TNRC6B: variants seen among roughly 807,000 people sequenced by gnomAD.
The protein encoded by TNRC6B is trinucleotide repeat containing adaptor 6B, also known as trinucleotide repeat-containing gene 6B protein.
Under a neutral mutation model 203.6 loss-of-function variants are expected in TNRC6B, and 52 were observed. That is an observed-to-expected ratio of 0.26 (90% CI 0.20 to 0.32). TNRC6B has a LOEUF of 0.32. Among genes scored for constraint, TNRC6B ranks in the 10% least tolerant of loss-of-function variants. The pLI is 1.00. For missense variants in TNRC6B, 1,923 were observed against 2,286.2 expected, an observed-to-expected ratio of 0.84 and a Z score of 3.24; for synonymous variants, 838 against 845.7, an observed-to-expected ratio of 0.99 and a Z score of 0.16.
intron 1 of TNRC6B, among the ~76,000 whole-genome samples, chr22:40,115,360 T>G (rs2068378094): frequency 6.6e-6 from 1 of 152,186 alleles, no homozygotes; most frequent in African/African-American, 2.4e-5. Flanking sequence ...AATTAATGAA[T>G]CCAGTCGTCC....
intron 3 of TNRC6B, among the ~76,000 whole-genome samples, chr22:40,137,102 A>C (rs916781449): frequency 2.6e-5 from 4 of 152,190 alleles, no homozygotes; most frequent in Non-Finnish European, 5.9e-5. Flanking sequence ...GGAACTTGGT[A>C]ATTTGTTTTG....
At chr22:40,096,121 G>A (rs569650500) in intron 1 of TNRC6B, among the ~76,000 whole-genome samples, 1 of 152,274 alleles carries the variant, frequency 6.6e-6, no homozygotes, top group Admixed American at 6.5e-5. Context: ...TGAACACATT[G>A]GTGCTTCTTA....
In TNRC6B at chr22:40,312,523, C is replaced by T. The variant is rs1213114059; in HGVS notation, c.4454C>T (p.Pro1485Leu). Reference protein sequence around the residue: ...SWPPEFQPGVPWKGIQNIDPE... With the variant: ...SWPPEFQPGVLWKGIQNIDPE... The stretch of plus-strand genomic sequence containing the variant: ...GTCTCAGAATTCCAACCAGGAGTGC[C>T]ATGGAAAGGTATCCAAAACATTGAC... Residue 1485 changes from proline (P) to leucine (L), a missense_variant, in exon 18 of 23, where the codon CCA becomes CTA. Coordinates refer to ENST00000454349, the MANE Select transcript of TNRC6B (RefSeq NM_001162501.2). 6.2e-7 allele frequency: 1 copy of T among 1,612,014 alleles called. No individual in the cohort carries two copies. The highest frequency in any genetic ancestry group is 8.5e-7 in the Non-Finnish European group (1 of 1,179,264).
At chr22:40,132,195 A>G (rs575049672) in intron 3 of TNRC6B, among the ~76,000 whole-genome samples, 96 of 152,182 alleles carry the variant, frequency 6.3e-4, no homozygotes, top group Non-Finnish European at 1.1e-3. Context: ...TAAAAATACA[A>G]AAATTAGCTG....
At position 40,075,708 on chromosome 22, in the gene TNRC6B, T is replaced by C. The variant is rs528193446; in HGVS notation, c.-121+30710T>C. ...GTTTTCTGTTTATTCTTTCCTCTTTTCCTGGCTTCTTTTTGATTACTTTTT... is the reference window on the plus strand; with the variant it reads ...GTTTTCTGTTTATTCTTTCCTCTTTCCCTGGCTTCTTTTTGATTACTTTTT... On this transcript the variant is annotated intron_variant, in intron 1 of 23. Transcript: ENST00000301923. Among the ~76,000 whole-genome samples, 6 of 152,336 alleles carry C rather than the reference T, an allele frequency of 3.9e-5. No homozygotes were observed. The South Asian group carries it at 1.2e-3, about 32-fold the overall frequency.
intron 17 of TNRC6B, among the ~76,000 whole-genome samples, chr22:40,311,197 C>T (rs1418650275): frequency 6.6e-6 from 1 of 152,118 alleles, no homozygotes; most frequent in Non-Finnish European, 1.5e-5. Flanking sequence ...GGATAAGTGA[C>T]ATTGTAGGTG....
intron 11 of TNRC6B, among the ~76,000 whole-genome samples, chr22:40,283,226 G>C (rs779568567): frequency 6.6e-6 from 1 of 152,078 alleles, no homozygotes; most frequent in Non-Finnish European, 1.5e-5. Flanking sequence ...TTTTAGTAGA[G>C]ATGGAGTTTC....
intron 1 of TNRC6B, among the ~76,000 whole-genome samples, chr22:40,211,603 G>A (rs1005864562): frequency 3.9e-5 from 6 of 152,096 alleles, no homozygotes; most frequent in African/African-American, 1.4e-4. Context: ...GATCTTAGAG[G>A]CCTAAGTTAC....
chr22:40,281,345 G>A, intron 11 of TNRC6B, 56 bp downstream of exon 11: 1 of 1,397,988 alleles, frequency 7.2e-7, no homozygotes, highest in Non-Finnish European at 9.5e-7. Flanking sequence ...CTTGGTCCTG[G>A]TCTGCAGTTT....
In TNRC6B at chr22:40,323,229, G is replaced by A. The variant is rs772492296; in HGVS notation, c.5490G>A (p.Ser1830=). ...CTGGTGACCTTCTGGGAGGAGGGTCGGATTCAATCTGAACTTAGAACTTTC... is the reference window on the plus strand; with the variant it reads ...CTGGTGACCTTCTGGGAGGAGGGTCAGATTCAATCTGAACTTAGAACTTTC... The part of the protein sequence containing the change: ...LLPGDLLGGG[S]DSI Residue 1830 remains serine (S), a synonymous_variant, in exon 23 of 23, where the codon TCG becomes TCA. Coordinates refer to ENST00000454349, the MANE Select transcript of TNRC6B (RefSeq NM_001162501.2). The A allele has an allele frequency of 6.2e-6, 10 of 1,611,190 alleles. No individual in the cohort carries two copies. Among genetic ancestry groups the A allele is most frequent in the Middle Eastern group, 1.9e-4 (1 of 5,252 alleles).
At chr22:40,156,093 C>A in intron 3 of TNRC6B, 2 of 1,565,580 alleles carry the variant, frequency 1.3e-6, no homozygotes, top group Non-Finnish European at 1.7e-6. Context: ...CTGCTGCTGA[C>A]CTGTGGTGCT....
chr22:40,094,205 T>C (rs1394095644), intron 1 of TNRC6B, among the ~76,000 whole-genome samples: 1 of 152,194 alleles, frequency 6.6e-6, no homozygotes, highest in Non-Finnish European at 1.5e-5. Context: ...TCCTACACAG[T>C]ACGCATCTAG....
chr22:40,159,243 G>A (rs909420716), intron 4 of TNRC6B, among the ~76,000 whole-genome samples: 10 of 150,788 alleles, frequency 6.6e-5, no homozygotes, highest in Non-Finnish European at 1.5e-4. Context: ...GATTACAGGC[G>A]TGAGCCACCG....
rs2071365509 is a variant in TNRC6B at position 40,323,494 on chromosome 22, C to T, written c.*253C>T. The T allele has an allele frequency of 2.7e-6, 1 of 364,408 alleles. No individual in the cohort carries two copies. The highest frequency in any genetic ancestry group is 4.3e-5 in the Admixed American group (1 of 23,200). The allele number at this position is 364,408 out of a possible 1,614,324, so 22.6% of individuals were successfully genotyped here. A position where few individuals can be genotyped will look rare whatever the true frequency, so the allele number is the denominator to read the frequency against. ...ACTCTTGAAATACTTGAATCATGAA[C>T]GCCAACCTAGAAAGACAATGTGAAG... is the stretch of plus-strand genomic sequence containing the variant. On this transcript the variant is annotated 3_prime_UTR_variant, in exon 23 of 23. Coordinates refer to ENST00000454349, the MANE Select transcript of TNRC6B (RefSeq NM_001162501.2).
chr22:40,320,306 C>T (rs1367724810), intron 21 of TNRC6B, among the ~76,000 whole-genome samples: 1 of 152,014 alleles, frequency 6.6e-6, no homozygotes, highest in African/African-American at 2.4e-5. Context: ...ATGGTGAAAC[C>T]CTGTCTCTAT....
intron 11 of TNRC6B, among the ~76,000 whole-genome samples, chr22:40,284,671 G>A (rs1373217763): frequency 6.6e-6 from 1 of 152,200 alleles, no homozygotes; most frequent in East Asian, 1.9e-4. Flanking sequence ...GAGTTTTAAA[G>A]CGTTTTGAGA....
chr22:40,227,137 G>A (rs1006180773), intron 1 of TNRC6B, among the ~76,000 whole-genome samples: 1 of 147,934 alleles, frequency 6.8e-6, no homozygotes, highest in African/African-American at 2.5e-5. Context: ...TTAGAGATGG[G>A]GTTTTGCCAT....
intron 12 of TNRC6B, among the ~76,000 whole-genome samples, chr22:40,293,804 C>T (rs938941521): frequency 2.0e-5 from 3 of 151,980 alleles, no homozygotes; most frequent in East Asian, 1.9e-4. Context: ...GTATTTTGAG[C>T]GCAGTTAATA....
chr22:40,188,652 T>C (rs1601869655), intron 1 of TNRC6B, among the ~76,000 whole-genome samples: 1 of 152,134 alleles, frequency 6.6e-6, no homozygotes, highest in Non-Finnish European at 1.5e-5. Flanking sequence ...TTACCGAAAA[T>C]AATTGCTGTT....
Sources: allele counts gnomAD v4.1 joint callset (sites outside exome capture counted in the v4.1 genomes callset), GRCh38; gene constraint gnomAD v4.1.1; transcripts MANE v1.5; gene names NCBI Gene and HGNC (gene_info 2026-07-23, HGNC 2026-07-21).